FSTL5: variants seen among roughly 807,000 people sequenced by gnomAD.
The protein encoded by FSTL5 is follistatin-related protein 5.
A neutral mutation model predicts 89.1 loss-of-function variants in FSTL5; 62 were observed. The ratio of observed to expected loss-of-function variants is 0.70; its 90% CI spans 0.57 to 0.86. The LOEUF (loss-of-function observed/expected upper bound fraction) is 0.86, where lower values mean the gene tolerates loss of function less well. Ranked by LOEUF, FSTL5 falls within the 40% of genes least tolerant of loss-of-function variation. The probability of loss-of-function intolerance (pLI) is 0.00; values close to 1 mark genes in which losing one functional copy is unlikely to be tolerated. For synonymous variants in FSTL5, 383 were observed against 346.2 expected, an observed-to-expected ratio of 1.11 and a Z score of -1.18; for missense variants, 1,057 against 1,001.6, an observed-to-expected ratio of 1.06 and a Z score of -0.75.
intron 8 of FSTL5, among the ~76,000 whole-genome samples, chr4:161,582,338 T>C (rs1733464418): frequency 6.6e-6 from 1 of 152,218 alleles, no homozygotes; most frequent in African/African-American, 2.4e-5. Flanking sequence ...TAAGATGAGT[T>C]AAACCAGTTT....
rs1026793202 is a variant in FSTL5, at chr4:161,789,464, C to T, written c.410-13390G>A. On this transcript the variant is annotated intron_variant, in intron 4 of 15. Transcript: ENST00000306100. ...AAAAAAATTATTGTCTATAGATGTG[C>T]GAACGAATTCTGATGGGAAGAAATT... Among the ~76,000 whole-genome samples the T allele has an allele frequency of 4.6e-5, 7 of 152,068 alleles. No individual in the cohort carries two copies. The South Asian group carries it at 6.2e-4, about 14-fold the overall frequency.
At chr4:161,546,242 A>G (rs1254801979) in intron 8 of FSTL5, among the ~76,000 whole-genome samples, 1 of 149,730 alleles carries the variant, frequency 6.7e-6, no homozygotes, top group East Asian at 2.0e-4. Flanking sequence ...AGAGTAAGTG[A>G]ATATAGAATA....
intron 6 of FSTL5, among the ~76,000 whole-genome samples, chr4:161,683,909 C>T (rs1445537621): frequency 1.3e-5 from 2 of 152,150 alleles, no homozygotes; most frequent in African/African-American, 4.8e-5. Context: ...CCCAGTCTTT[C>T]CCCCTGAGTC....
At chr4:161,882,228 C>A (rs1160225738) in intron 4 of FSTL5, among the ~76,000 whole-genome samples, 2 of 152,060 alleles carry the variant, frequency 1.3e-5, no homozygotes, top group South Asian at 2.1e-4. Flanking sequence ...GTGTAACATT[C>A]TTTTTCTTCT....
intron 15 of FSTL5, among the ~76,000 whole-genome samples, chr4:161,410,662 A>C (rs1028450757): frequency 6.6e-6 from 1 of 152,156 alleles, no homozygotes; most frequent in African/African-American, 2.4e-5. Context: ...AATGAAAAAA[A>C]TTTTTGAAAT....
intron 15 of FSTL5, among the ~76,000 whole-genome samples, chr4:161,408,792 A>G (rs1393315571): frequency 6.6e-6 from 1 of 152,238 alleles, no homozygotes; most frequent in Non-Finnish European, 1.5e-5. Flanking sequence ...AATCAGAAGT[A>G]TTAGCAGCGG....
chr4:162,026,840 T>C (rs1348743706), intron 3 of FSTL5, among the ~76,000 whole-genome samples: 1 of 152,170 alleles, frequency 6.6e-6, no homozygotes, highest in Non-Finnish European at 1.5e-5. Context: ...AATCAATTTA[T>C]TCTGTGTTGT....
intron 4 of FSTL5, among the ~76,000 whole-genome samples, chr4:161,883,676 T>G (rs1262621486): frequency 6.6e-6 from 1 of 152,130 alleles, no homozygotes; most frequent in Admixed American, 6.6e-5. Context: ...TAAAGTAAAC[T>G]GATATAAAAA....
chr4:161,865,256 A>G (rs1462627640), intron 4 of FSTL5, among the ~76,000 whole-genome samples: 1 of 152,208 alleles, frequency 6.6e-6, no homozygotes, highest in Non-Finnish European at 1.5e-5. Context: ...AAAAGCGACC[A>G]AGAGTTTTAA....
chr4:161,518,606 TAA>T (rs1730920772), intron 10 of FSTL5, among the ~76,000 whole-genome samples: 1 of 152,134 alleles, frequency 6.6e-6, no homozygotes, highest in Non-Finnish European at 1.5e-5. Flanking sequence ...TCAAACAATA[TAA>T]GTCTACTCCT....
chr4:161,543,434 C>A (rs1415360204), intron 8 of FSTL5, among the ~76,000 whole-genome samples: 4 of 151,522 alleles, frequency 2.6e-5, no homozygotes, highest in Non-Finnish European at 5.9e-5. Flanking sequence ...TAATCCTTAT[C>A]AAAGTTCTAA....
At chr4:161,860,069 A>T (rs1451433121) in intron 4 of FSTL5, among the ~76,000 whole-genome samples, 3 of 152,166 alleles carry the variant, frequency 2.0e-5, no homozygotes, top group African/African-American at 7.2e-5. Context: ...TGGGCGGATC[A>T]CAAGGTCAGG....
At chr4:161,814,570 G>C (rs1730267171) in intron 4 of FSTL5, among the ~76,000 whole-genome samples, 1 of 152,066 alleles carries the variant, frequency 6.6e-6, no homozygotes, top group Non-Finnish European at 1.5e-5. Flanking sequence ...ATGAACTTTA[G>C]GCTGTGATGG....
At chr4:161,721,592 G>A (rs1380182242) in intron 6 of FSTL5, among the ~76,000 whole-genome samples, 5 of 152,054 alleles carry the variant, frequency 3.3e-5, no homozygotes, top group African/African-American at 1.2e-4. Context: ...GAAAGTAGGG[G>A]CCCAAACCCC....
intron 13 of FSTL5, among the ~76,000 whole-genome samples, chr4:161,461,981 G>T (rs1733600355): frequency 6.6e-6 from 1 of 152,078 alleles, no homozygotes; most frequent in South Asian, 2.1e-4. Context: ...TATATCAAAG[G>T]TCTGTAAGTA....
At chr4:161,862,084 G>T (rs1485311479) in intron 4 of FSTL5, among the ~76,000 whole-genome samples, 3 of 152,106 alleles carry the variant, frequency 2.0e-5, no homozygotes, top group African/African-American at 7.2e-5. Flanking sequence ...ATAAACCGTA[G>T]AAAAACATTT....
At chr4:161,671,281 T>G (rs573054509) in intron 6 of FSTL5, among the ~76,000 whole-genome samples, 1 of 152,194 alleles carries the variant, frequency 6.6e-6, no homozygotes, top group Non-Finnish European at 1.5e-5. Context: ...CCCATGGACC[T>G]AGGCTTGGCA....
In FSTL5 at chr4:161,923,468, G is replaced by A. The variant is rs1734045488; in HGVS notation, c.161-2816C>T. Reference sequence around the variant, plus strand: ...TAATTAAGCAAATTGTTAATTCAATGTTTATAGAGTCTATATGGGGCTGCC... The same window carrying A: ...TAATTAAGCAAATTGTTAATTCAATATTTATAGAGTCTATATGGGGCTGCC... On this transcript the variant is annotated intron_variant, in intron 3 of 15. Transcript: ENST00000306100. 2.6e-5 allele frequency among the ~76,000 whole-genome samples: 4 copies of A among 151,700 alleles called. No individual in the cohort carries two copies. In the South Asian group the frequency reaches 8.3e-4, roughly 31 times the overall value.
At chr4:162,132,597 T>C (rs975846805) in intron 1 of FSTL5, among the ~76,000 whole-genome samples, 1 of 152,134 alleles carries the variant, frequency 6.6e-6, no homozygotes, top group Non-Finnish European at 1.5e-5. Context: ...CAAAAATACC[T>C]ACATTTCACA....
Sources: allele counts gnomAD v4.1 joint callset (sites outside exome capture counted in the v4.1 genomes callset), GRCh38; gene constraint gnomAD v4.1.1; transcripts MANE v1.5; gene names NCBI Gene and HGNC (gene_info 2026-07-23, HGNC 2026-07-21).